Variants in RIPOR2 observed in about 807,000 individuals in gnomAD.
The protein encoded by RIPOR2 is RHO family interacting cell polarization regulator 2.
A neutral mutation model predicts 114.5 loss-of-function variants in RIPOR2; 39 were observed. That is an observed-to-expected ratio of 0.34 (90% CI 0.26 to 0.44). The LOEUF (loss-of-function observed/expected upper bound fraction) is 0.44. RIPOR2 is among the 20% of genes least tolerant of loss of function. The probability of loss-of-function intolerance (pLI) is 1.00; values close to 1 mark genes in which losing one functional copy is unlikely to be tolerated. For missense variants in RIPOR2, 1,007 were observed against 1,255.1 expected, an observed-to-expected ratio of 0.80 and a Z score of 2.99; for synonymous variants, 445 against 484.4, an observed-to-expected ratio of 0.92 and a Z score of 1.07.
At chr6:24,925,034 T>A (rs1171537941) in intron 1 of RIPOR2, among the ~76,000 whole-genome samples, 1 of 152,236 alleles carries the variant, frequency 6.6e-6, no homozygotes, top group Non-Finnish European at 1.5e-5. Context: ...GATAATGTTT[T>A]GCTTAATTGA....
intron 1 of RIPOR2, among the ~76,000 whole-genome samples, chr6:24,911,627 T>A (rs1769611890): frequency 6.6e-6 from 1 of 152,082 alleles, no homozygotes; most frequent in Non-Finnish European, 1.5e-5. Context: ...AGAATTGTTT[T>A]TTATTTTGTT....
chr6:24,957,073 G>A (rs367906561), intron 1 of RIPOR2, among the ~76,000 whole-genome samples: 12 of 152,062 alleles, frequency 7.9e-5, no homozygotes, highest in African/African-American at 2.7e-4. Flanking sequence ...ATTTCTCCTG[G>A]ATCTTGAAAA....
chr6:24,906,678 C>T (rs995748113), intron 1 of RIPOR2, among the ~76,000 whole-genome samples: 2 of 152,186 alleles, frequency 1.3e-5, no homozygotes, highest in African/African-American at 4.8e-5. Context: ...ACTCTGTCAC[C>T]TAGGCTGGAG....
intron 19 of RIPOR2, among the ~76,000 whole-genome samples, chr6:24,824,079 A>G (rs1206248966): frequency 6.6e-6 from 1 of 152,160 alleles, no homozygotes; most frequent in East Asian, 1.9e-4. Context: ...TTCTAAGGGC[A>G]CATTTCGAAC....
chr6:24,953,952 T>C (rs1772909580), intron 1 of RIPOR2, among the ~76,000 whole-genome samples: 1 of 152,208 alleles, frequency 6.6e-6, no homozygotes, highest in African/African-American at 2.4e-5. Context: ...ATCGGTCCTT[T>C]GTTATTGGAG....
rs1014884185 is a variant in RIPOR2, at chr6:25,024,190, T to C, written c.76+17661A>G. ...GCGATTTCCACTTGTTTGCTGGCAATGCAGGGCCTGGCGAGAAAGGTGCCC... is the reference window on the plus strand; with the variant it reads ...GCGATTTCCACTTGTTTGCTGGCAACGCAGGGCCTGGCGAGAAAGGTGCCC... On this transcript the variant is annotated intron_variant, in intron 1 of 13. Coordinates refer to the RIPOR2 transcript ENST00000510784. The C allele has an allele frequency of 2.7e-5, 38 of 1,411,438 alleles. 1 individual carries two copies. The highest frequency in any genetic ancestry group is 1.7e-5 in the Non-Finnish European group (17 of 1,003,428). 87.4% of individuals were successfully genotyped at this position (1,411,438 alleles called of 1,614,324 possible).
intron 1 of RIPOR2, among the ~76,000 whole-genome samples, chr6:24,925,341 T>C (rs1396124157): frequency 6.6e-6 from 1 of 152,220 alleles, no homozygotes; most frequent in Non-Finnish European, 1.5e-5. Flanking sequence ...GGACAAGCTG[T>C]GTTGTCTTTT....
intron 16 of RIPOR2, among the ~76,000 whole-genome samples, chr6:24,831,834 C>T (rs1760712145): frequency 6.6e-6 from 1 of 152,216 alleles, no homozygotes; most frequent in South Asian, 2.1e-4. Flanking sequence ...GAGGCGTTTG[C>T]ATCCATGTAT....
At chr6:24,994,862 T>C (rs528538091) in intron 1 of RIPOR2, among the ~76,000 whole-genome samples, 1 of 152,344 alleles carries the variant, frequency 6.6e-6, no homozygotes, top group South Asian at 2.1e-4. Flanking sequence ...ATTATCTCTG[T>C]CTCTCTCTTC....
chr6:24,942,287 T>C (rs1251033805), intron 1 of RIPOR2, among the ~76,000 whole-genome samples: 1 of 152,212 alleles, frequency 6.6e-6, no homozygotes, highest in Non-Finnish European at 1.5e-5. Flanking sequence ...GTTGATACTA[T>C]GGGATCAAGA....
intron 11 of RIPOR2, among the ~76,000 whole-genome samples, chr6:24,848,466 C>T (rs1467655777): frequency 1.3e-5 from 2 of 152,150 alleles, no homozygotes; most frequent in Non-Finnish European, 2.9e-5. Context: ...CTTGCTTCGA[C>T]AAAACAAGAT....
chr6:24,986,444 G>C (rs1343157571), intron 1 of RIPOR2, among the ~76,000 whole-genome samples: 3 of 152,164 alleles, frequency 2.0e-5, no homozygotes, highest in Admixed American at 6.5e-5. Context: ...AATTACATCT[G>C]GTAGACCAGT....
intron 1 of RIPOR2, among the ~76,000 whole-genome samples, chr6:24,904,699 G>A (rs148499903): frequency 4.0e-4 from 61 of 152,352 alleles, no homozygotes; most frequent in African/African-American, 1.4e-3. Flanking sequence ...TTCTGTAGTG[G>A]CTTCCTGGCT....
intron 1 of RIPOR2, among the ~76,000 whole-genome samples, chr6:24,924,677 C>T (rs1770735320): frequency 6.6e-6 from 1 of 151,844 alleles, no homozygotes; most frequent in South Asian, 2.1e-4. Flanking sequence ...GGGATAAGTC[C>T]CTTCCTACAT....
intron 1 of RIPOR2, among the ~76,000 whole-genome samples, chr6:24,952,061 G>A (rs780695669): frequency 2.0e-5 from 3 of 152,170 alleles, no homozygotes; most frequent in Non-Finnish European, 4.4e-5. Flanking sequence ...TTTGAAATGC[G>A]ATGGAGCAAC....
intron 1 of RIPOR2, among the ~76,000 whole-genome samples, chr6:25,031,633 TA>T (rs1392247411): frequency 4.9e-5 from 7 of 142,004 alleles, no homozygotes; most frequent in Non-Finnish European, 9.1e-5. Context: ...TTTAAAGCAT[TA>T]AAAATAAGAT....
chr6:24,962,555 T>C (rs1372799741), intron 1 of RIPOR2, among the ~76,000 whole-genome samples: 2 of 152,228 alleles, frequency 1.3e-5, no homozygotes, highest in Admixed American at 6.5e-5. Context: ...TTGTATTTAA[T>C]GCCATGGATA....
In RIPOR2 at chr6:24,843,231, C is replaced by A; in HGVS notation, c.1488G>T (p.Glu496Asp). 6.2e-7 allele frequency: 1 copy of A among 1,614,048 alleles called. No homozygotes were observed. Among genetic ancestry groups the A allele is most frequent in the Non-Finnish European group, 8.5e-7 (1 of 1,179,896 alleles). ...EPRKPASAPSEACRRQSSGAG... is the reference protein window; with the variant it reads ...EPRKPASAPSDACRRQSSGAG... ...CACCTGAGGACTGTCGGCGGCAAGCCTCAGATGGGGCCGAGGCAGGTTTTC... is the reference window on the plus strand; with the variant it reads ...CACCTGAGGACTGTCGGCGGCAAGCATCAGATGGGGCCGAGGCAGGTTTTC... The change falls in exon 13 of 22, where the codon GAG (glutamate) becomes GAT (aspartate). Residue 496 changes from glutamate (E) to aspartate (D), a missense_variant. Glu to Asp is a conservative substitution (Grantham distance 45). Coordinates refer to ENST00000643898, the MANE Select transcript of RIPOR2 (RefSeq NM_001286445.3).
At chr6:24,822,289 G>C (rs1487995820) in intron 19 of RIPOR2, among the ~76,000 whole-genome samples, 1 of 152,152 alleles carries the variant, frequency 6.6e-6, no homozygotes, top group Non-Finnish European at 1.5e-5. Flanking sequence ...GGAAATATTT[G>C]TCTCCCTCAT....
Sources: gnomAD v4.1 joint callset for allele counts (sites outside exome capture counted in the v4.1 genomes callset) on GRCh38, gnomAD v4.1.1 for gene constraint, MANE v1.5 for transcripts, NCBI Gene and HGNC (gene_info 2026-07-23, HGNC 2026-07-21) for gene names.